The following GALNT17 variants were observed in gnomAD, a reference collection of about 807,000 sequenced individuals.
GALNT17 encodes polypeptide N-acetylgalactosaminyltransferase 17.
Under a neutral mutation model 63.7 loss-of-function variants are expected in GALNT17, and 29 were observed. The ratio of observed to expected loss-of-function variants is 0.46; its 90% CI spans 0.34 to 0.62. GALNT17 has a LOEUF of 0.62. Among genes scored for constraint, GALNT17 ranks in the 20% least tolerant of loss-of-function variants. The pLI, the probability that GALNT17 is intolerant of heterozygous loss-of-function variation, is 0.01. For synonymous variants in GALNT17, 305 were observed against 318.3 expected, an observed-to-expected ratio of 0.96 and a Z score of 0.45; for missense variants, 603 against 799.6, an observed-to-expected ratio of 0.75 and a Z score of 2.97.
At chr7:71,266,703 A>T (rs1251063306) in intron 1 of GALNT17, among the ~76,000 whole-genome samples, 1 of 152,140 alleles carries the variant, frequency 6.6e-6, no homozygotes, top group East Asian at 1.9e-4. Context: ...GGGGGTCATG[A>T]TTGAGCGTAT....
chr7:71,357,241 G>A (rs1292136372), intron 2 of GALNT17, among the ~76,000 whole-genome samples: 1 of 152,166 alleles, frequency 6.6e-6, no homozygotes, highest in East Asian at 1.9e-4. Context: ...GGAAGTGAGT[G>A]GCAGGCAAGT....
At chr7:71,368,090 G>C (rs944759308) in intron 2 of GALNT17, among the ~76,000 whole-genome samples, 1 of 152,234 alleles carries the variant, frequency 6.6e-6, no homozygotes, top group African/African-American at 2.4e-5. Context: ...AAGAACAGAC[G>C]TGGGGAGGGG....
chr7:71,703,503 T>C (rs1028219455), intron 9 of GALNT17, among the ~76,000 whole-genome samples: 1 of 152,188 alleles, frequency 6.6e-6, no homozygotes, highest in Non-Finnish European at 1.5e-5. Context: ...ATAAGGGATA[T>C]GGCCCCATGA....
chr7:71,187,659 A>G (rs1052893559), intron 1 of GALNT17, among the ~76,000 whole-genome samples: 2 of 152,124 alleles, frequency 1.3e-5, no homozygotes, highest in Non-Finnish European at 2.9e-5. Context: ...ACGTGCACAT[A>G]GGTTGCAGTT....
intron 5 of GALNT17, among the ~76,000 whole-genome samples, chr7:71,481,616 G>A (rs147560535): frequency 5.9e-5 from 9 of 152,176 alleles, no homozygotes; most frequent in African/African-American, 2.2e-4. Context: ...AACAGCAGCC[G>A]CTTTGTAGCT....
At chr7:71,342,084 T>A (rs1225985691) in intron 2 of GALNT17, among the ~76,000 whole-genome samples, 2 of 152,220 alleles carry the variant, frequency 1.3e-5, no homozygotes, top group Non-Finnish European at 2.9e-5. Context: ...CTGATTGTGT[T>A]AGGCCATTGT....
intron 5 of GALNT17, among the ~76,000 whole-genome samples, chr7:71,439,187 G>A (rs943725849): frequency 3.3e-5 from 5 of 152,088 alleles, no homozygotes; most frequent in South Asian, 2.1e-4. Context: ...GAACCACTGC[G>A]CCCAGCCAGG....
At chr7:71,198,091 G>A (rs759379166) in intron 1 of GALNT17, among the ~76,000 whole-genome samples, 77 of 151,754 alleles carry the variant, frequency 5.1e-4, no homozygotes, top group Non-Finnish European at 8.7e-4. Flanking sequence ...CCAGCTACTC[G>A]GGAGGCTGAG....
chr7:71,243,516 G>A (rs912371889), intron 1 of GALNT17, among the ~76,000 whole-genome samples: 1 of 152,056 alleles, frequency 6.6e-6, no homozygotes, highest in Non-Finnish European at 1.5e-5. Context: ...TTTTCCACAA[G>A]CAGAAATATG....
At chr7:71,355,451 T>C (rs529488224) in intron 2 of GALNT17, among the ~76,000 whole-genome samples, 2 of 152,204 alleles carry the variant, frequency 1.3e-5, no homozygotes, top group Non-Finnish European at 2.9e-5. Flanking sequence ...AAGACAGGTT[T>C]AGTAGGTTTT....
chr7:71,197,776 T>C (rs1318980203), intron 1 of GALNT17, among the ~76,000 whole-genome samples: 1 of 152,098 alleles, frequency 6.6e-6, no homozygotes. Context: ...AATGACAGGG[T>C]CTTATTTCTT....
intron 5 of GALNT17, among the ~76,000 whole-genome samples, chr7:71,453,512 A>C (rs549516618): frequency 6.6e-6 from 1 of 152,194 alleles, no homozygotes; most frequent in East Asian, 1.9e-4. Context: ...CATGAGACTT[A>C]TTCACTACCA....
At chr7:71,641,974 G>T (rs1279731497) in intron 6 of GALNT17, among the ~76,000 whole-genome samples, 1 of 152,158 alleles carries the variant, frequency 6.6e-6, no homozygotes, top group African/African-American at 2.4e-5. Flanking sequence ...AAGCTTGGTA[G>T]AGAATTTCGG....
intron 1 of GALNT17, among the ~76,000 whole-genome samples, chr7:71,299,741 G>C (rs1791159132): frequency 6.6e-6 from 1 of 151,860 alleles, no homozygotes; most frequent in Non-Finnish European, 1.5e-5. Flanking sequence ...GTAGATTTCT[G>C]GAGGGAATGT....
At chr7:71,197,687 G>C (rs551046869) in intron 1 of GALNT17, among the ~76,000 whole-genome samples, 10 of 152,116 alleles carry the variant, frequency 6.6e-5, no homozygotes, top group African/African-American at 2.4e-4. Flanking sequence ...AAATAAGGGA[G>C]AGTCAGCAAT....
At chr7:71,534,322 G>A (rs564035848) in intron 5 of GALNT17, among the ~76,000 whole-genome samples, 4 of 152,162 alleles carry the variant, frequency 2.6e-5, no homozygotes, top group South Asian at 4.2e-4. Context: ...CAGATTGGCC[G>A]GGCACAGTGT....
intron 9 of GALNT17, among the ~76,000 whole-genome samples, chr7:71,692,163 A>G (rs531962509): frequency 3.7e-4 from 57 of 152,170 alleles, no homozygotes; most frequent in African/African-American, 1.3e-3. Flanking sequence ...GCCTCCCGCA[A>G]TCTTCCTGCC....
chr7:71,660,408 C>A (rs951043719), intron 6 of GALNT17, among the ~76,000 whole-genome samples: 1 of 152,226 alleles, frequency 6.6e-6, no homozygotes, highest in Non-Finnish European at 1.5e-5. Flanking sequence ...GGGCACTTCC[C>A]TCTGCTCTTG....
chr7:71,617,451 A>T (rs1360088983), intron 6 of GALNT17, among the ~76,000 whole-genome samples: 1 of 151,346 alleles, frequency 6.6e-6, no homozygotes, highest in Non-Finnish European at 1.5e-5. Flanking sequence ...CCTCCCGAGT[A>T]GCTGGGACTA....
Sources: allele counts gnomAD v4.1 joint callset (sites outside exome capture counted in the v4.1 genomes callset), GRCh38; gene constraint gnomAD v4.1.1; transcripts MANE v1.5; gene names NCBI Gene and HGNC (gene_info 2026-07-23, HGNC 2026-07-21).